Variants in TEX261 observed in about 807,000 individuals in gnomAD.
TEX261 encodes protein TEX261.
Under a neutral mutation model 25.1 loss-of-function variants are expected in TEX261, and 13 were observed. The ratio of observed to expected loss-of-function variants is 0.52; its 90% CI spans 0.34 to 0.82. The LOEUF is 0.82. Among genes scored for constraint, TEX261 ranks in the 40% least tolerant of loss-of-function variants. The pLI, the probability that TEX261 is intolerant of heterozygous loss-of-function variation, is 0.02. For missense variants in TEX261, 206 were observed against 243.2 expected (o/e 0.85, Z 1.02); for synonymous variants, 92 against 97.8 (o/e 0.94, Z 0.35).
intron 1 of TEX261, chr2:70,994,411 G>A: frequency 3.8e-6 from 2 of 529,772 alleles, no homozygotes; most frequent in Non-Finnish European, 3.3e-6. Context: ...GGGAGCCGCA[G>A]CGGTTAGCGG....
intron 2 of TEX261, among the ~76,000 whole-genome samples, chr2:70,992,547 T>G (rs565269816): frequency 1.3e-5 from 2 of 152,126 alleles, no homozygotes; most frequent in African/African-American, 4.8e-5. Context: ...CTGACCAACA[T>G]GGAGAAACCC....
At chr2:70,992,009 CA>C in intron 2 of TEX261, 26 bp from the exon 3 acceptor site, 1 of 1,547,582 alleles carries the variant, frequency 6.5e-7, no homozygotes, top group Non-Finnish European at 8.7e-7. Context: ...GCAGACAGTG[CA>C]GGGCGCTTCT....
intron 1 of TEX261, 128 bp downstream of exon 1, chr2:70,994,559 TG>T: frequency 7.4e-7 from 1 of 1,350,948 alleles, no homozygotes; most frequent in South Asian, 1.3e-5. Context: ...GGGAAGGGGT[TG>T]GGGCGGCGAA....
intron 2 of TEX261, 109 bp from the exon 3 acceptor site, chr2:70,992,092 C>T (rs990511073): frequency 1.8e-6 from 2 of 1,120,656 alleles, no homozygotes; most frequent in Admixed American, 6.9e-5. Context: ...CTTCAATCTC[C>T]TCATTTCACA....
rs1670178180 is a variant in TEX261, at chr2:70,986,080, T to C, written c.*2520A>G. On this transcript the variant is annotated 3_prime_UTR_variant, in exon 6 of 6. Transcript: ENST00000272438. ...GGGAGATGACCATTAGGCAGGCAAG[T>C]GAGCCCAGAGTGATCTGTGTAGTAT... 1 of 152,182 alleles carries C rather than the reference T, an allele frequency of 6.6e-6. No homozygotes were observed. The highest frequency in any genetic ancestry group is 1.5e-5 in the Non-Finnish European group (1 of 68,034). The allele number at this position is 152,182 out of a possible 1,614,324, so 9.4% of individuals were successfully genotyped here. A position where few individuals can be genotyped will look rare whatever the true frequency, so the allele number is the denominator to read the frequency against.
Position 70,992,372 on chromosome 2 carries a change from G to C in TEX261, c.151-389C>G, listed in dbSNP as rs192739942. Among the ~76,000 whole-genome samples the C allele has an allele frequency of 4.9e-3, 752 of 152,072 alleles. 2 individuals are homozygous for C. Among genetic ancestry groups the C allele is most frequent in the Non-Finnish European group, 8.4e-3 (574 of 67,980 alleles). ...CTTCTGATGGCCTCCCAAAGTGCTG[G>C]GATTACAGGTGTGAGCCACCGCACC... On this transcript the variant is annotated intron_variant, in intron 2 of 5. Coordinates refer to ENST00000272438, the MANE Select transcript of TEX261 (RefSeq NM_144582.3).
At position 70,994,709 on chromosome 2, in the gene TEX261, C is replaced by T. The variant is rs1157866713; in HGVS notation, c.49G>A (p.Ala17Thr). 3 of 1,605,540 alleles carry T rather than the reference C, an allele frequency of 1.9e-6. No individual in the cohort carries two copies. The highest frequency in any genetic ancestry group is 2.2e-5 in the South Asian group (2 of 89,768). The change falls in exon 1 of 6, where the codon GCC becomes ACC. Residue 17 changes from alanine (A) to threonine (T), a missense_variant. Coordinates refer to ENST00000272438, the MANE Select transcript of TEX261 (RefSeq NM_144582.3). Reference protein sequence around the residue: ...LSWLSLFIQVAFITLAVAAGL... With the variant: ...LSWLSLFIQVTFITLAVAAGL... ...TCACCGACAGCCAGCGTGATGAAGG[C>T]CACCTGGATGAAGAGCGACAGCCAG...
At chr2:70,992,115 C>T (rs1366133233) in intron 2 of TEX261, 132 bp from the exon 3 acceptor site, 2 of 849,962 alleles carry the variant, frequency 2.4e-6, no homozygotes, top group Non-Finnish European at 3.3e-6. Flanking sequence ...TCTGGCCTCC[C>T]CAGCTAGGTT....
chr2:70,990,823 G>A (rs1553425564), intron 3 of TEX261, among the ~76,000 whole-genome samples: 2 of 152,176 alleles, frequency 1.3e-5, no homozygotes, highest in East Asian at 3.8e-4. Flanking sequence ...CTGCTGCTGA[G>A]GGGCTGGGGG....
rs1670199976 is a variant in TEX261 at position 70,987,027 on chromosome 2, C to T, written c.*1573G>A. ...AGATCTAGTAAGACAGGAAAGGGGT[C>T]TGCTGGATTTAGCAAGCCCTGGGAG... On this transcript the variant is annotated 3_prime_UTR_variant, in exon 6 of 6. Coordinates refer to ENST00000272438, the MANE Select transcript of TEX261 (RefSeq NM_144582.3). 1 of 152,112 alleles carries T rather than the reference C, an allele frequency of 6.6e-6. No individual in the cohort carries two copies. Among genetic ancestry groups the T allele is most frequent in the Admixed American group, 6.6e-5 (1 of 15,256 alleles). The allele number at this position is 152,112 out of a possible 1,614,324, so 9.4% of individuals were successfully genotyped here.
In TEX261 at chr2:70,988,752, G is replaced by C. The variant is rs1485510783; in HGVS notation, c.476-37C>G. 6.5e-6 allele frequency: 10 copies of C among 1,539,360 alleles called. No homozygotes were observed. The Admixed American group carries it at 6.7e-5, about 10-fold the overall frequency. ...CAGGCAAGAATATGAGAGAGAGAGA[G>C]AGTGTGTGTGTGTGTGTGCGCATGT... On this transcript the variant is annotated intron_variant, in intron 5 of 5. Coordinates refer to ENST00000272438, the MANE Select transcript of TEX261 (RefSeq NM_144582.3).
Position 70,988,730 on chromosome 2 carries a change from G to T in TEX261, c.476-15C>A. The T allele has an allele frequency of 6.2e-7, 1 of 1,601,810 alleles. No individual in the cohort carries two copies. The highest frequency in any genetic ancestry group is 8.6e-7 in the Non-Finnish European group (1 of 1,168,838). On this transcript the variant is annotated splice_polypyrimidine_tract_variant and intron_variant, in intron 5 of 5. Coordinates refer to ENST00000272438, the MANE Select transcript of TEX261 (RefSeq NM_144582.3). ...GACGACATCATCTGTGGAGATACAG[G>T]CAAGAATATGAGAGAGAGAGAGAGT...
intron 1 of TEX261, 106 bp from the exon 2 acceptor site, chr2:70,993,881 A>C (rs928710408): frequency 1.1e-6 from 1 of 883,748 alleles, no homozygotes; most frequent in African/African-American, 1.6e-5. Context: ...GGACCCCAGA[A>C]GGTCAAGAAC....
rs372122849 is a variant in TEX261, at chr2:70,988,300, C to T, written c.*300G>A. 1.5e-4 allele frequency: 54 copies of T among 349,182 alleles called. 1 individual carries two copies. The East Asian group carries it at 2.1e-3, about 14-fold the overall frequency. The allele number at this position is 349,182 out of a possible 1,614,324, so 21.6% of individuals were successfully genotyped here. A position where few individuals can be genotyped will look rare whatever the true frequency, so the allele number is the denominator to read the frequency against. On this transcript the variant is annotated 3_prime_UTR_variant, in exon 6 of 6. Transcript: ENST00000272438. ...ACAGACCCTGCCCTGCCTGCCCCAG[C>T]GGGGCCAGAACCTCCTGACCCACCT...
In TEX261 at chr2:70,987,126, T is replaced by C. The variant is rs1159803260; in HGVS notation, c.*1474A>G. Reference sequence around the variant, plus strand: ...GGACCAAGCAGCAGAGGGAGGAAAGTAGGGCCAGCTGTCAGCCCAATGGGA... The same window carrying C: ...GGACCAAGCAGCAGAGGGAGGAAAGCAGGGCCAGCTGTCAGCCCAATGGGA... On this transcript the variant is annotated 3_prime_UTR_variant, in exon 6 of 6. Transcript: ENST00000272438. 3 of 152,018 alleles carry C rather than the reference T, an allele frequency of 2.0e-5. No homozygotes were observed. The highest frequency in any genetic ancestry group is 4.4e-5 in the Non-Finnish European group (3 of 68,052). The allele number at this position is 152,018 out of a possible 1,614,324, so 9.4% of individuals were successfully genotyped here.
rs1399398253 is a variant in TEX261 at position 70,994,847 on chromosome 2, GC to G, written c.-91del. 2 of 1,241,466 alleles carry G rather than the reference GC, an allele frequency of 1.6e-6. No individual in the cohort carries two copies. Among genetic ancestry groups the G allele is most frequent in the Middle Eastern group, 3.0e-4 (1 of 3,282 alleles). 76.9% of individuals were successfully genotyped at this position (1,241,466 alleles called of 1,614,324 possible). ...CACAGCCGCCACCGCCGCCGCCGCC[GC>G]CGCGTCCCCGCCCCGCGGACGACAG... On this transcript the variant is annotated 5_prime_UTR_variant, in exon 1 of 6. Coordinates refer to ENST00000272438, the MANE Select transcript of TEX261 (RefSeq NM_144582.3).
chr2:70,990,723 A>C (rs187491437), intron 3 of TEX261, among the ~76,000 whole-genome samples: 19 of 152,270 alleles, frequency 1.2e-4, no homozygotes, highest in African/African-American at 3.6e-4. Flanking sequence ...AGATAATGGG[A>C]GGTAGGATAG....
intron 3 of TEX261, among the ~76,000 whole-genome samples, chr2:70,990,845 C>T (rs1317362366): frequency 1.3e-5 from 2 of 152,190 alleles, no homozygotes; most frequent in African/African-American, 4.8e-5. Context: ...AGGACTTCTT[C>T]CCTGGACAGA....
intron 2 of TEX261, among the ~76,000 whole-genome samples, chr2:70,993,241 C>T (rs1467368034): frequency 6.6e-6 from 1 of 152,206 alleles, no homozygotes; most frequent in African/African-American, 2.4e-5. Flanking sequence ...TCCCATGAGA[C>T]CAGGGAAGGG....
Sources: allele counts gnomAD v4.1 joint callset (sites outside exome capture counted in the v4.1 genomes callset), GRCh38; gene constraint gnomAD v4.1.1; transcripts MANE v1.5; gene names NCBI Gene and HGNC (gene_info 2026-07-23, HGNC 2026-07-21).